The following SHQ1 variants were observed in gnomAD, a reference collection of about 807,000 sequenced individuals.
SHQ1 encodes the protein SHQ1, H/ACA ribonucleoprotein assembly factor, also known as protein SHQ1 homolog.
In SHQ1, 49 loss-of-function variants were observed where a neutral mutation model predicts 53.8. That is an observed-to-expected ratio of 0.91 (90% CI 0.72 to 1.16). The LOEUF (loss-of-function observed/expected upper bound fraction) is 1.16, where lower values mean the gene tolerates loss of function less well. Ranked by LOEUF, SHQ1 falls within the 50% of genes most tolerant of loss-of-function variation. SHQ1 has a pLI of 0.00. For synonymous variants in SHQ1, 243 were observed against 251.0 expected, an observed-to-expected ratio of 0.97 and a Z score of 0.30; for missense variants, 738 against 683.1, an observed-to-expected ratio of 1.08 and a Z score of -0.90.
intron 10 of SHQ1, chr3:72,753,746 T>A (rs1705439136): frequency 1.8e-6 from 1 of 555,638 alleles, no homozygotes; most frequent in Admixed American, 6.4e-5. Flanking sequence ...CCCTGGCTAA[T>A]CTTTTATCAG....
chr3:72,784,136 T>TAA (rs76106891), intron 10 of SHQ1, among the ~76,000 whole-genome samples: 2 of 117,012 alleles, frequency 1.7e-5, no homozygotes, highest in African/African-American at 6.4e-5. Flanking sequence ...AAAGTCTACC[T>TAA]AAAAAAAAAA....
chr3:72,816,610 A>G (rs775571430), intron 7 of SHQ1, among the ~76,000 whole-genome samples: 29 of 152,214 alleles, frequency 1.9e-4, no homozygotes, highest in Non-Finnish European at 4.1e-4. Context: ...TTAAGAAGAG[A>G]TACAACAAAG....
At chr3:72,828,498 C>T (rs1334534432) in intron 5 of SHQ1, among the ~76,000 whole-genome samples, 1 of 152,150 alleles carries the variant, frequency 6.6e-6, no homozygotes, top group Non-Finnish European at 1.5e-5. Flanking sequence ...AGTTCAAGAC[C>T]AGCCTGGCCA....
intron 10 of SHQ1, among the ~76,000 whole-genome samples, chr3:72,785,425 CTG>C (rs763455095): frequency 6.6e-6 from 1 of 152,298 alleles, no homozygotes; most frequent in East Asian, 1.9e-4. Flanking sequence ...CACTTGAGCT[CTG>C]GAGCTGGAGG....
intron 5 of SHQ1, among the ~76,000 whole-genome samples, chr3:72,824,806 C>CT (rs1707600059): frequency 1.7e-5 from 2 of 120,072 alleles, no homozygotes; most frequent in African/African-American, 6.6e-5. Flanking sequence ...TTTTTTTTAA[C>CT]TTTTTTTAAA....
At chr3:72,753,373 C>T (rs776847635) in intron 10 of SHQ1, 152 of 985,148 alleles carry the variant, frequency 1.5e-4, no homozygotes, top group South Asian at 1.9e-4. Context: ...TGGGAAATAC[C>T]GAACAAAGAT....
intron 8 of SHQ1, 99 bp from the exon 9 acceptor site, chr3:72,812,893 A>G (rs900115073): frequency 7.9e-6 from 11 of 1,391,656 alleles, no homozygotes; most frequent in South Asian, 3.9e-5. Flanking sequence ...AAAAGCTGCA[A>G]GTTCGGATCA....
intron 10 of SHQ1, chr3:72,773,060 T>C (rs1367826593): frequency 1.1e-5 from 10 of 882,206 alleles, no homozygotes; most frequent in Admixed American, 1.9e-5. Context: ...ACTGAGTCCA[T>C]GTTCTCTAAG....
chr3:72,776,907 C>T (rs1033506610), intron 10 of SHQ1, among the ~76,000 whole-genome samples: 1 of 152,142 alleles, frequency 6.6e-6, no homozygotes, highest in Non-Finnish European at 1.5e-5. Flanking sequence ...CAGATCCACA[C>T]ATACATGTTA....
chr3:72,755,258 GGATGGATA>G (rs1361010552), intron 10 of SHQ1, among the ~76,000 whole-genome samples: 4 of 149,388 alleles, frequency 2.7e-5, no homozygotes, highest in Non-Finnish European at 2.9e-5. Flanking sequence ...ATGGATGGAT[GGATGGATA>G]GATGGATAGA....
chr3:72,823,805 T>C (rs1185638014), intron 6 of SHQ1, among the ~76,000 whole-genome samples: 1 of 152,210 alleles, frequency 6.6e-6, no homozygotes, highest in Non-Finnish European at 1.5e-5. Flanking sequence ...CTATATTCCA[T>C]TTAATACTCT....
In SHQ1 at chr3:72,842,190, C is replaced by T. The variant is rs946194582; in HGVS notation, c.331+90G>A. 6 of 1,419,578 alleles carry T rather than the reference C, an allele frequency of 4.2e-6. No homozygotes were observed. In the African/African-American group the frequency reaches 8.6e-5, roughly 20 times the overall value. 87.9% of individuals were successfully genotyped at this position (1,419,578 alleles called of 1,614,324 possible). On this transcript the variant is annotated intron_variant, in intron 3 of 10. Transcript: ENST00000325599. ...TACCTGAAGTATTTTCTTCAATTTC[C>T]TATTCACTATATCCCATTTCCCCTA...
intron 10 of SHQ1, among the ~76,000 whole-genome samples, chr3:72,758,273 A>G (rs1705538346): frequency 6.6e-6 from 1 of 152,232 alleles, no homozygotes; most frequent in Non-Finnish European, 1.5e-5. Context: ...TCAATCTCTA[A>G]GAACAAGAAA....
intron 10 of SHQ1, among the ~76,000 whole-genome samples, chr3:72,772,125 T>G (rs1168254793): frequency 6.6e-6 from 1 of 152,086 alleles, no homozygotes; most frequent in Non-Finnish European, 1.5e-5. Flanking sequence ...GTGTTAACTT[T>G]AAGCCTTACA....
chr3:72,831,639 C>T (rs547501347), intron 5 of SHQ1, among the ~76,000 whole-genome samples: 59 of 152,328 alleles, frequency 3.9e-4, no homozygotes, highest in African/African-American at 1.1e-3. Context: ...TCATTCTCCA[C>T]GCATCCTAGC....
At chr3:72,759,330 A>G (rs1347310553) in intron 10 of SHQ1, among the ~76,000 whole-genome samples, 1 of 152,224 alleles carries the variant, frequency 6.6e-6, no homozygotes, top group Non-Finnish European at 1.5e-5. Flanking sequence ...ATAATAGACC[A>G]GAAAAAAGTA....
chr3:72,810,870 T>C (rs1192825205), intron 9 of SHQ1, among the ~76,000 whole-genome samples: 1 of 152,182 alleles, frequency 6.6e-6, no homozygotes, highest in Non-Finnish European at 1.5e-5. Context: ...GAACACACTG[T>C]ACATGGTACA....
chr3:72,745,363 T>A (rs1026627564), downstream of SHQ1, among the ~76,000 whole-genome samples: 1 of 152,170 alleles, frequency 6.6e-6, no homozygotes, highest in Non-Finnish European at 1.5e-5. Flanking sequence ...TGAAAGGTGA[T>A]ACCAGCTTAG....
intron 10 of SHQ1, among the ~76,000 whole-genome samples, chr3:72,790,031 G>GC (rs1478932065): frequency 6.6e-6 from 1 of 152,192 alleles, no homozygotes; most frequent in Admixed American, 6.5e-5. Flanking sequence ...TTCTAAGGCT[G>GC]CCAACCACAG....
Sources: gnomAD v4.1 joint callset for allele counts (sites outside exome capture counted in the v4.1 genomes callset) on GRCh38, gnomAD v4.1.1 for gene constraint, MANE v1.5 for transcripts, NCBI Gene and HGNC (gene_info 2026-07-23, HGNC 2026-07-21) for gene names.